The following BOLL variants were observed in gnomAD, a reference collection of about 807,000 sequenced individuals.
BOLL encodes the protein protein boule-like.
In BOLL, 23 loss-of-function variants were observed where a neutral mutation model predicts 44.4. The observed-to-expected ratio is 0.52, with a 90% CI of 0.37 to 0.73. The LOEUF (loss-of-function observed/expected upper bound fraction) is 0.73, where lower values mean the gene tolerates loss of function less well. Among genes scored for constraint, BOLL ranks in the 30% least tolerant of loss-of-function variants. BOLL has a pLI of 0.00. For synonymous variants in BOLL, 97 were observed against 110.8 expected (o/e 0.88, Z 0.78); for missense variants, 287 against 338.3 (o/e 0.85, Z 1.19).
At chr2:197,774,964 C>T (rs898015204) in intron 5 of BOLL, 2 of 151,698 alleles carry the variant, frequency 1.3e-5, no homozygotes, top group East Asian at 1.9e-4. Flanking sequence ...TAAACATTCC[C>T]GTAGACACTA....
At chr2:197,736,743 TTG>T (rs1687512932) in intron 10 of BOLL, among the ~76,000 whole-genome samples, 1 of 152,144 alleles carries the variant, frequency 6.6e-6, no homozygotes, top group South Asian at 2.1e-4. Flanking sequence ...GAATCCTTTT[TTG>T]ATTTGTAAAT....
chr2:197,759,304 G>A (rs921943717), intron 7 of BOLL, among the ~76,000 whole-genome samples: 1 of 152,102 alleles, frequency 6.6e-6, no homozygotes, highest in Non-Finnish European at 1.5e-5. Flanking sequence ...GCAGGGAAAA[G>A]GTAAGCAGAA....
chr2:197,754,730 A>G (rs901407881), intron 9 of BOLL, among the ~76,000 whole-genome samples: 20 of 142,494 alleles, frequency 1.4e-4, no homozygotes, highest in Non-Finnish European at 2.1e-4. Flanking sequence ...CAAAACAAAA[A>G]ACAAACAAAA....
chr2:197,736,289 A>G (rs1236476353), intron 10 of BOLL, among the ~76,000 whole-genome samples: 5 of 152,154 alleles, frequency 3.3e-5, no homozygotes, highest in Non-Finnish European at 5.9e-5. Flanking sequence ...ACTAATCAAT[A>G]TTTTAAAAAA....
intron 10 of BOLL, among the ~76,000 whole-genome samples, chr2:197,729,727 T>C (rs1255719140): frequency 2.6e-5 from 4 of 152,076 alleles, no homozygotes; most frequent in African/African-American, 4.8e-5. Flanking sequence ...GGGCAGGGTA[T>C]TCCAACAGAC....
intron 9 of BOLL, 78 bp downstream of exon 9, chr2:197,756,350 C>A: frequency 7.6e-7 from 1 of 1,311,244 alleles, no homozygotes; most frequent in Non-Finnish European, 1.0e-6. Flanking sequence ...GGGTCGTGAA[C>A]AAATTTAAAA....
chr2:197,785,186 TCCA>T lies in BOLL; in HGVS notation c.-149_-147del. On this transcript the variant is annotated 5_prime_UTR_variant, in exon 1 of 11. Coordinates refer to ENST00000392296, the MANE Select transcript of BOLL (RefSeq NM_033030.6). This position sits in a 1 kb window ranked among gnomAD's most constrained non-coding sequence, Gnocchi z 6.7. The stretch of plus-strand genomic sequence containing the variant: ...GTGAACTTGGGCACCGAAACGAGGA[TCCA>T]CCCCCTCCCCACCAAAGTGCGGGAG... 1.0e-6 allele frequency: 1 copy of T among 985,728 alleles called. No individual in the cohort carries two copies. The allele number at this position is 985,728 out of a possible 1,614,324, so 61.1% of individuals were successfully genotyped here.
chr2:197,751,831 A>AG (rs1391151885), intron 9 of BOLL, among the ~76,000 whole-genome samples: 1 of 145,304 alleles, frequency 6.9e-6, no homozygotes. Context: ...AACCTGTCAG[A>AG]AACCAACAAA....
chr2:197,758,308 G>A (rs1311427823), intron 7 of BOLL, among the ~76,000 whole-genome samples: 1 of 152,130 alleles, frequency 6.6e-6, no homozygotes, highest in African/African-American at 2.4e-5. Context: ...TCCATACAAT[G>A]GGATATTATT....
Position 197,759,060 on chromosome 2 carries a change from T to C in BOLL, c.553-1660A>G, listed in dbSNP as rs1036622031. 45 of 1,404,024 alleles carry C rather than the reference T, an allele frequency of 3.2e-5. No homozygotes were observed. In the African/African-American group the frequency reaches 5.8e-4, roughly 18 times the overall value. The allele number at this position is 1,404,024 out of a possible 1,614,324, so 87.0% of individuals were successfully genotyped here. ...AGCAAGATGGCTGACCAGAGATGCC[T>C]AGCATTCATTTTCCACTGGCTCCCC... On this transcript the variant is annotated intron_variant, in intron 7 of 10. Coordinates refer to ENST00000392296, the MANE Select transcript of BOLL (RefSeq NM_033030.6).
intron 9 of BOLL, among the ~76,000 whole-genome samples, chr2:197,754,544 C>G (rs781241862): frequency 2.8e-4 from 43 of 151,996 alleles, no homozygotes; most frequent in Admixed American, 2.0e-3. Flanking sequence ...CCCGTCTCTA[C>G]TAAAAATATG....
chr2:197,734,122 A>G (rs1212897952), intron 10 of BOLL, among the ~76,000 whole-genome samples: 1 of 151,382 alleles, frequency 6.6e-6, no homozygotes, highest in African/African-American at 2.4e-5. Context: ...ACAAGAAAAA[A>G]ACAAACAACC....
At chr2:197,732,097 A>T (rs1277744867) in intron 10 of BOLL, among the ~76,000 whole-genome samples, 1 of 151,736 alleles carries the variant, frequency 6.6e-6, no homozygotes, top group African/African-American at 2.4e-5. Flanking sequence ...AGAAGAATCA[A>T]ATAGACGCAA....
Position 197,728,170 on chromosome 2 carries a change from C to A in BOLL, c.*385G>T. On this transcript the variant is annotated 3_prime_UTR_variant, in exon 11 of 11. Transcript: ENST00000392296. ...TTATCCTAAATATGAAAATAAATAT[C>A]AAATAATATGAAACATAACATCTAA... is the stretch of plus-strand genomic sequence containing the variant. The A allele has an allele frequency of 6.7e-6, 2 of 299,910 alleles. No homozygotes were observed. The highest frequency in any genetic ancestry group is 6.0e-6 in the Non-Finnish European group (1 of 165,502). 18.6% of individuals were successfully genotyped at this position (299,910 alleles called of 1,614,324 possible).
rs1686906192 is a variant in BOLL, at chr2:197,727,691, A to G, written c.*864T>C. On this transcript the variant is annotated 3_prime_UTR_variant, in exon 11 of 11. Transcript: ENST00000392296. The stretch of plus-strand genomic sequence containing the variant: ...AAAAGGTTTAAGGATTAAAGCATTC[A>G]AAGAACAGTAATTTGGTGGAATTTC... 1 of 152,372 alleles carries G rather than the reference A, an allele frequency of 6.6e-6. No homozygotes were observed. The highest frequency in any genetic ancestry group is 2.1e-4 in the South Asian group (1 of 4,838). The allele number at this position is 152,372 out of a possible 1,614,324, so 9.4% of individuals were successfully genotyped here.
chr2:197,779,724 C>G (rs1689681475), intron 2 of BOLL, among the ~76,000 whole-genome samples: 1 of 151,804 alleles, frequency 6.6e-6, no homozygotes. Context: ...AAGGTGTCTA[C>G]AAAGATGGTT....
intron 5 of BOLL, chr2:197,773,975 T>A (rs761622299): frequency 6.8e-6 from 3 of 439,410 alleles, no homozygotes; most frequent in Non-Finnish European, 1.4e-5. Flanking sequence ...TAAGAATCCC[T>A]TATTTGTAAA....
intron 10 of BOLL, among the ~76,000 whole-genome samples, chr2:197,734,663 C>G (rs1687393457): frequency 6.6e-6 from 1 of 152,068 alleles, no homozygotes; most frequent in Non-Finnish European, 1.5e-5. Flanking sequence ...TTTGTAGGGA[C>G]ATGGATGAAG....
Position 197,740,284 on chromosome 2 carries a change from C to T in BOLL, c.828+2777G>A, listed in dbSNP as rs981364698. 4.6e-5 allele frequency among the ~76,000 whole-genome samples: 7 copies of T among 152,156 alleles called. No individual in the cohort carries two copies. In the East Asian group the frequency reaches 1.4e-3, roughly 29 times the overall value. ...ATATGAGTGTGAAATAGCTAATATC[C>T]ATTATTTTAATGCAAAGACTATGCC... On this transcript the variant is annotated intron_variant, in intron 10 of 10. Coordinates refer to ENST00000392296, the MANE Select transcript of BOLL (RefSeq NM_033030.6).
Sources: gnomAD v4.1 joint callset for allele counts (sites outside exome capture counted in the v4.1 genomes callset) on GRCh38, gnomAD v4.1.1 for gene constraint, Gnocchi (gnomAD v3.1) non-coding constraint, MANE v1.5 for transcripts, NCBI Gene and HGNC (gene_info 2026-07-23, HGNC 2026-07-21) for gene names.